The following PEX1 variants were observed in gnomAD, a reference collection of about 807,000 sequenced individuals.
PEX1 encodes peroxisomal biogenesis factor 1, also known as peroxisomal ATPase PEX1.
A neutral mutation model predicts 152.5 loss-of-function variants in PEX1; 97 were observed. The ratio of observed to expected loss-of-function variants is 0.64; its 90% CI spans 0.54 to 0.75. The LOEUF is 0.75. Ranked by LOEUF, PEX1 falls within the 30% of genes least tolerant of loss-of-function variation. The pLI is 0.00. For missense variants in PEX1, 1,357 were observed against 1,516.3 expected, an observed-to-expected ratio of 0.89 and a Z score of 1.74; for synonymous variants, 485 against 531.6, an observed-to-expected ratio of 0.91 and a Z score of 1.21.
chr7:92,504,683 G>A, intron 12 of PEX1, 49 bp downstream of exon 12: 1 of 1,563,294 alleles, frequency 6.4e-7, no homozygotes, highest in Non-Finnish European at 8.8e-7. Context: ...GACTAAAAAT[G>A]CTGACTGACA....
rs775093154 is a variant in PEX1, at chr7:92,517,974, T to G, written c.541A>C (p.Thr181Pro). The change falls in exon 5 of 24, where the codon ACA (threonine) becomes CCA (proline). Residue 181 changes from threonine to proline, a missense_variant. By Grantham distance (38) the Thr-to-Pro change is conservative. Transcript: ENST00000248633. ...AATGTATTCTCTTTGGCTCGGCGTG[T>G]CTTTGGCTGAATAAGGAGTTTGGTG... ...TDTKLLIQPK[T>P]RRAKENTFSK... 2.5e-6 allele frequency: 4 copies of G among 1,613,188 alleles called. No individual in the cohort carries two copies. Among genetic ancestry groups the G allele is most frequent in the Non-Finnish European group, 3.4e-6 (4 of 1,179,722 alleles).
chr7:92,493,442 TG>T (rs1320573739), intron 19 of PEX1: 1 of 174,606 alleles, frequency 5.7e-6, no homozygotes, highest in East Asian at 1.6e-4. Flanking sequence ...CAAGAAAGCC[TG>T]GGCAACACAG....
At position 92,506,892 on chromosome 7, in the gene PEX1, T is replaced by C. The variant is rs546633008; in HGVS notation, c.1803+102A>G. On this transcript the variant is annotated intron_variant, in intron 10 of 23. Transcript: ENST00000248633. ...TGTCGTATAAACCCTATATAATAGA[T>C]GGTCAAAACCCACCCTATATAATAG... 45 of 1,132,340 alleles carry C rather than the reference T, an allele frequency of 4.0e-5. No homozygotes were observed. In the South Asian group the frequency reaches 5.6e-4, roughly 14 times the overall value. The allele number at this position is 1,132,340 out of a possible 1,614,324, so 70.1% of individuals were successfully genotyped here.
At chr7:92,497,961 G>A (rs540633920) in intron 16 of PEX1, among the ~76,000 whole-genome samples, 7 of 150,990 alleles carry the variant, frequency 4.6e-5, no homozygotes, top group East Asian at 3.9e-4. Flanking sequence ...CCAGCTACTC[G>A]GGAGGCTGAG....
chr7:92,496,799 G>A (rs1288735131), intron 16 of PEX1, 22 bp from the exon 17 acceptor site: 1 of 1,498,604 alleles, frequency 6.7e-7, no homozygotes, highest in Non-Finnish European at 9.3e-7. Flanking sequence ...AATAAGAGTT[G>A]AGATAAAATT....
intron 22 of PEX1, 79 bp from the exon 23 acceptor site, chr7:92,489,502 A>C: frequency 7.7e-7 from 1 of 1,305,796 alleles, no homozygotes; most frequent in South Asian, 1.2e-5. Context: ...GTTACTTCTT[A>C]TTGTCAGTTT....
intron 9 of PEX1, among the ~76,000 whole-genome samples, chr7:92,508,755 G>T (rs1792316500): frequency 6.6e-6 from 1 of 151,802 alleles, no homozygotes; most frequent in African/African-American, 2.4e-5. Context: ...AAATTAAGAG[G>T]AGTTTAAAAA....
chr7:92,520,349 G>T (rs1483844731), intron 2 of PEX1, among the ~76,000 whole-genome samples: 1 of 152,094 alleles, frequency 6.6e-6, no homozygotes, highest in Non-Finnish European at 1.5e-5. Context: ...TAAGATTCTA[G>T]CAACAATTTA....
Position 92,504,882 on chromosome 7 carries a change from G to A in PEX1, c.1921C>T (p.Gln641Ter), listed in dbSNP as rs1057517464. ...ALRGKRLENIQKTLEVAFSEA... is the reference protein window; with the variant it reads ...ALRGKRLENI ...GAGAAAGCCACCTCTAGGGTTTTTT[G>A]TATGTTTTCAAGCCTTTTTCCTTAA... Residue 641 changes from glutamine (Q) to a stop codon, truncating the protein, a stop_gained, in exon 12 of 24, where the codon CAA (glutamine) becomes TAA (stop). Transcript: ENST00000248633. LOFTEE classifies it high-confidence loss of function. The A allele has an allele frequency of 6.2e-7, 1 of 1,613,486 alleles. No individual in the cohort carries two copies. Among genetic ancestry groups the A allele is most frequent in the East Asian group, 2.2e-5 (1 of 44,886 alleles).
Position 92,509,378 on chromosome 7 carries a change from T to C in PEX1, c.1621A>G (p.Ser541Gly), listed in dbSNP as rs1204334087. The change falls in exon 9 of 24, where the codon AGT (serine) becomes GGT (glycine). Residue 541 changes from serine to glycine, a missense_variant. Ser to Gly is a moderately conservative substitution (Grantham distance 56). Transcript: ENST00000248633. The stretch of plus-strand genomic sequence containing the variant: ...GGAAGAATAAAGTCAATTTCCTCAC[T>C]GTTTTCTTCTTTTACCATAGGATCT... ...LLDPMVKEEN[S>G]EEIDFILPFL... The C allele has an allele frequency of 6.2e-7, 1 of 1,612,966 alleles. No homozygotes were observed. Among genetic ancestry groups the C allele is most frequent in the Non-Finnish European group, 8.5e-7 (1 of 1,179,384 alleles).
chr7:92,493,132 G>A lies in PEX1; in HGVS notation c.3031-3C>T. On this transcript the variant is annotated splice_region_variant and splice_polypyrimidine_tract_variant and intron_variant, in intron 19 of 23. Coordinates refer to ENST00000248633, the MANE Select transcript of PEX1 (RefSeq NM_000466.3). ...TTTAAAATTTCAAGACGTGACACCT[G>A]AAAGGAGAAAAATTTATTTAACAAA... 6.5e-7 allele frequency: 1 copy of A among 1,529,310 alleles called. No homozygotes were observed. 94.7% of individuals were successfully genotyped at this position (1,529,310 alleles called of 1,614,324 possible).
At chr7:92,513,400 TACAACACAG>T (rs1286365519) in intron 6 of PEX1, among the ~76,000 whole-genome samples, 1 of 152,006 alleles carries the variant, frequency 6.6e-6, no homozygotes, top group African/African-American at 2.4e-5. Context: ...TTCTGATACA[TACAACACAG>T]ATGAGCCTTG....
intron 1 of PEX1, among the ~76,000 whole-genome samples, chr7:92,527,631 A>C (rs927163873): frequency 2.6e-5 from 4 of 152,162 alleles, no homozygotes; most frequent in Non-Finnish European, 4.4e-5. Flanking sequence ...CCATAAGTAC[A>C]CTCAAACTCG....
Position 92,489,812 on chromosome 7 carries a change from C to G in PEX1, c.3538G>C (p.Ala1180Pro), listed in dbSNP as rs1260738288. 1.9e-6 allele frequency: 3 copies of G among 1,613,786 alleles called. No individual in the cohort carries two copies. Among genetic ancestry groups the G allele is most frequent in the Non-Finnish European group, 2.5e-6 (3 of 1,179,840 alleles). ...LFSQPPVLRT[A>P]SQEGCQELTQ... ...AGTTCTTGGCAACCCTCTTGTGAAG[C>G]TGTCCTTAACACTGGAGGCTGTGAA... is the stretch of plus-strand genomic sequence containing the variant. Residue 1180 changes from alanine to proline, a missense_variant, in exon 22 of 24, where the codon GCT becomes CCT. Transcript: ENST00000248633.
intron 1 of PEX1, among the ~76,000 whole-genome samples, chr7:92,527,316 T>C (rs1433662383): frequency 1.3e-5 from 2 of 152,234 alleles, no homozygotes; most frequent in Non-Finnish European, 2.9e-5. Flanking sequence ...GACAGAGCAC[T>C]GAACCAACTT....
chr7:92,494,420 T>C, intron 18 of PEX1, 24 bp from the exon 19 acceptor site: 1 of 1,613,226 alleles, frequency 6.2e-7, no homozygotes. Context: ...GAACATTTTT[T>C]TACCAAAATC....
At position 92,518,210 on chromosome 7, in the gene PEX1, G is replaced by A. The variant is rs201415996; in HGVS notation, c.403C>T (p.Arg135Ter). The change falls in exon 4 of 24, where the codon CGA becomes TGA. Residue 135 changes from arginine (R) to a stop codon, truncating the protein, a stop_gained. Transcript: ENST00000248633. LOFTEE classifies it high-confidence loss of function. ...SLEQHLLDQI[R>*]IVFPKAIFPV... ...AAAATGGCTTTTGGAAAAACTATTC[G>A]AATTTGATCTAGAAGATGTTGTTCA... The A allele has an allele frequency of 3.7e-6, 6 of 1,613,342 alleles. No individual in the cohort carries two copies. Among genetic ancestry groups the A allele is most frequent in the East Asian group, 2.2e-5 (1 of 44,860 alleles).
At chr7:92,491,723 C>A in intron 20 of PEX1, 1 of 497,526 alleles carries the variant, frequency 2.0e-6, no homozygotes, top group Non-Finnish European at 3.6e-6. Flanking sequence ...ACCAACCATC[C>A]CCCAAGAAAG....
Position 92,489,822 on chromosome 7 carries a change from C to T in PEX1, c.3528G>A (p.Val1176=). 6.2e-7 allele frequency: 1 copy of T among 1,613,990 alleles called. No homozygotes were observed. The highest frequency in any genetic ancestry group is 1.1e-5 in the South Asian group (1 of 91,078). ...AACCCTCTTGTGAAGCTGTCCTTAA[C>T]ACTGGAGGCTGTGAAAACAACTGGT... ...GKDQLFSQPP[V]LRTASQEGCQ... is the part of the protein sequence containing the mutation. Residue 1176 remains valine (V), a synonymous_variant, in exon 22 of 24, where the codon GTG becomes GTA. Coordinates refer to ENST00000248633, the MANE Select transcript of PEX1 (RefSeq NM_000466.3).
Sources: allele counts gnomAD v4.1 joint callset (sites outside exome capture counted in the v4.1 genomes callset), GRCh38; gene constraint gnomAD v4.1.1; transcripts MANE v1.5; gene names NCBI Gene and HGNC (gene_info 2026-07-23, HGNC 2026-07-21).